The following ZNF804A variants were observed in gnomAD, a reference collection of about 807,000 sequenced individuals.
The protein encoded by ZNF804A is zinc finger protein 804A.
In ZNF804A, 2 loss-of-function variants were observed where a neutral mutation model predicts 16.5. The observed-to-expected ratio is 0.12, with a 90% CI of 0.05 to 0.38. The LOEUF is 0.38. ZNF804A is among the 10% of genes least tolerant of loss of function. The pLI, the probability that ZNF804A is intolerant of heterozygous loss-of-function variation, is 0.99. For synonymous variants in ZNF804A, 534 were observed against 489.6 expected (o/e 1.09, Z -1.20); for missense variants, 1,473 against 1,390.7 (o/e 1.06, Z -0.94).
At chr2:184,897,062 A>G (rs572737557) in intron 2 of ZNF804A, among the ~76,000 whole-genome samples, 1 of 152,196 alleles carries the variant, frequency 6.6e-6, no homozygotes, top group South Asian at 2.1e-4. Flanking sequence ...AATATGTGTT[A>G]GTAATTGTTA....
chr2:184,909,891 T>C (rs999461402), intron 2 of ZNF804A, among the ~76,000 whole-genome samples: 1 of 152,056 alleles, frequency 6.6e-6, no homozygotes, highest in Non-Finnish European at 1.5e-5. Flanking sequence ...CTCTGGACTG[T>C]TCATGGTTTA....
Position 184,878,232 on chromosome 2 carries a change from G to T in ZNF804A, c.255+11720G>T, listed in dbSNP as rs367862793. ...ATTTGAGACCTGGTAATCCTGCTATGGACAACAAAGAAATGCAGGTAGATT... is the reference window on the plus strand; with the variant it reads ...ATTTGAGACCTGGTAATCCTGCTATTGACAACAAAGAAATGCAGGTAGATT... On this transcript the variant is annotated intron_variant, in intron 2 of 3. Transcript: ENST00000302277. Among the ~76,000 whole-genome samples the T allele has an allele frequency of 2.2e-4, 34 of 152,112 alleles. 2 individuals are homozygous for T. The highest frequency in any genetic ancestry group is 7.7e-4 in the African/African-American group (32 of 41,514).
intron 2 of ZNF804A, among the ~76,000 whole-genome samples, chr2:184,882,936 A>G (rs1187848807): frequency 6.6e-6 from 1 of 152,132 alleles, no homozygotes; most frequent in African/African-American, 2.4e-5. Flanking sequence ...AACTGAAATC[A>G]GAGCTGGATT....
At chr2:184,639,068 C>CTTTTTTT (rs34389839) in intron 1 of ZNF804A, among the ~76,000 whole-genome samples, 5 of 107,414 alleles carry the variant, frequency 4.7e-5, no homozygotes, top group Non-Finnish European at 5.5e-5. Flanking sequence ...AAGCCCCCTC[C>CTTTTTTT]TTTTTTTTTT....
At chr2:184,891,043 A>C (rs1483322325) in intron 2 of ZNF804A, among the ~76,000 whole-genome samples, 1 of 152,084 alleles carries the variant, frequency 6.6e-6, no homozygotes, top group African/African-American at 2.4e-5. Context: ...GAGCAATACA[A>C]CCACAATCTT....
At chr2:184,636,338 A>G (rs79248157) in intron 1 of ZNF804A, among the ~76,000 whole-genome samples, 22 of 82,346 alleles carry the variant, frequency 2.7e-4, no homozygotes, top group African/African-American at 5.3e-4. Flanking sequence ...GAGAGAGAGA[A>G]AGAGAGAGAG....
intron 1 of ZNF804A, among the ~76,000 whole-genome samples, chr2:184,668,217 T>C (rs1450486274): frequency 6.6e-6 from 1 of 151,900 alleles, no homozygotes; most frequent in African/African-American, 2.4e-5. Context: ...TTTTGATCTA[T>C]GTGTTCAATG....
chr2:184,807,483 C>A (rs1694825467), intron 1 of ZNF804A, among the ~76,000 whole-genome samples: 1 of 151,716 alleles, frequency 6.6e-6, no homozygotes, highest in Non-Finnish European at 1.5e-5. Context: ...TCATTCTCAG[C>A]ATGAATAGTG....
At chr2:184,676,548 T>A (rs1692439220) in intron 1 of ZNF804A, among the ~76,000 whole-genome samples, 1 of 151,708 alleles carries the variant, frequency 6.6e-6, no homozygotes, top group Admixed American at 6.6e-5. Flanking sequence ...AATAAAATAA[T>A]TTTGTATTAT....
At chr2:184,800,923 A>T (rs1694715632) in intron 1 of ZNF804A, among the ~76,000 whole-genome samples, 2 of 152,228 alleles carry the variant, frequency 1.3e-5, no homozygotes, top group South Asian at 4.1e-4. Context: ...TGCATTTTTT[A>T]AATGTAGATC....
intron 1 of ZNF804A, among the ~76,000 whole-genome samples, chr2:184,657,581 TTACAATGTA>T (rs1230922425): frequency 2.0e-5 from 3 of 152,210 alleles, no homozygotes; most frequent in Non-Finnish European, 2.9e-5. Flanking sequence ...CTGAGATTTC[TTACAATGTA>T]TACAATTTGG....
intron 1 of ZNF804A, among the ~76,000 whole-genome samples, chr2:184,857,066 G>T (rs1695701063): frequency 6.6e-6 from 1 of 151,874 alleles, no homozygotes; most frequent in African/African-American, 2.4e-5. Flanking sequence ...ATATTATGTT[G>T]TTTATTTGAC....
At chr2:184,933,095 C>G (rs923437458) in intron 2 of ZNF804A, among the ~76,000 whole-genome samples, 59 of 151,938 alleles carry the variant, frequency 3.9e-4, no homozygotes, top group African/African-American at 1.4e-3. Context: ...AGTAGCCACT[C>G]TTTATTCATT....
intron 1 of ZNF804A, among the ~76,000 whole-genome samples, chr2:184,763,799 C>T (rs933672529): frequency 1.3e-4 from 19 of 151,606 alleles, no homozygotes; most frequent in South Asian, 6.3e-4. Context: ...CCTGCCACCA[C>T]GCCCGGCTAA....
intron 1 of ZNF804A, among the ~76,000 whole-genome samples, chr2:184,831,812 A>G (rs1286160343): frequency 1.3e-5 from 2 of 152,022 alleles, no homozygotes; most frequent in African/African-American, 4.8e-5. Context: ...ACACTCTTGG[A>G]AAGAGTTTTA....
At chr2:184,904,635 A>G (rs1467679014) in intron 2 of ZNF804A, among the ~76,000 whole-genome samples, 2 of 152,078 alleles carry the variant, frequency 1.3e-5, no homozygotes, top group African/African-American at 2.4e-5. Context: ...ACTACCTATA[A>G]AAGAAGGGTA....
chr2:184,692,433 C>T (rs551558332), intron 1 of ZNF804A, among the ~76,000 whole-genome samples: 37 of 152,110 alleles, frequency 2.4e-4, no homozygotes, highest in Non-Finnish European at 4.9e-4. Context: ...ACTGTGAGCA[C>T]AAAGACAAGA....
chr2:184,930,037 T>C (rs919946477), intron 2 of ZNF804A, among the ~76,000 whole-genome samples: 3 of 152,104 alleles, frequency 2.0e-5, no homozygotes, highest in African/African-American at 7.2e-5. Context: ...TGCCCACATA[T>C]ACACTCATAG....
chr2:184,645,787 G>A (rs576031805), intron 1 of ZNF804A, among the ~76,000 whole-genome samples: 2 of 152,284 alleles, frequency 1.3e-5, no homozygotes, highest in African/African-American at 4.8e-5. Context: ...GAAGGAAAAT[G>A]GAAATGCACC....
Sources: gnomAD v4.1 joint callset for allele counts (sites outside exome capture counted in the v4.1 genomes callset) on GRCh38, gnomAD v4.1.1 for gene constraint, MANE v1.5 for transcripts, NCBI Gene and HGNC (gene_info 2026-07-23, HGNC 2026-07-21) for gene names.